Variants in DENND1A observed in about 807,000 individuals in gnomAD.
DENND1A encodes the protein DENN domain-containing protein 1A.
Under a neutral mutation model 113.7 loss-of-function variants are expected in DENND1A, and 51 were observed. The observed-to-expected ratio is 0.45, with a 90% CI of 0.36 to 0.57. DENND1A has a LOEUF of 0.57. Ranked by LOEUF, DENND1A falls within the 20% of genes least tolerant of loss-of-function variation. The pLI, the probability that DENND1A is intolerant of heterozygous loss-of-function variation, is 0.00. For missense variants in DENND1A, 1,258 were observed against 1,395.9 expected (o/e 0.90, Z 1.57); for synonymous variants, 565 against 570.8 (o/e 0.99, Z 0.14).
intron 5 of DENND1A, among the ~76,000 whole-genome samples, chr9:123,750,894 T>C (rs1213197944): frequency 6.6e-6 from 1 of 152,122 alleles, no homozygotes; most frequent in Non-Finnish European, 1.5e-5. Flanking sequence ...AAAACAAGAA[T>C]AGGAGATTCC....
intron 19 of DENND1A, among the ~76,000 whole-genome samples, chr9:123,420,074 G>A (rs1294355107): frequency 6.6e-6 from 1 of 152,210 alleles, no homozygotes; most frequent in Non-Finnish European, 1.5e-5. Context: ...GATATTCCTT[G>A]CAAGATGCTG....
chr9:123,428,306 G>A (rs2045894835), intron 19 of DENND1A, among the ~76,000 whole-genome samples: 1 of 152,160 alleles, frequency 6.6e-6, no homozygotes, highest in African/African-American at 2.4e-5. Context: ...AAAACCACAT[G>A]ATTATCTCAA....
At chr9:123,613,174 C>T (rs1276494283) in intron 10 of DENND1A, among the ~76,000 whole-genome samples, 2 of 152,292 alleles carry the variant, frequency 1.3e-5, no homozygotes, top group South Asian at 2.1e-4. Flanking sequence ...TCATCACTCT[C>T]GTCAGGAGGG....
chr9:123,553,382 T>G (rs2057227813), intron 13 of DENND1A, among the ~76,000 whole-genome samples: 1 of 145,578 alleles, frequency 6.9e-6, no homozygotes, highest in Non-Finnish European at 1.5e-5. Flanking sequence ...GGCCTGGACA[T>G]TTGCCTTTTT....
At chr9:123,650,554 A>T (rs2062590122) in intron 9 of DENND1A, among the ~76,000 whole-genome samples, 1 of 152,202 alleles carries the variant, frequency 6.6e-6, no homozygotes. Flanking sequence ...AAAAACAACA[A>T]CAAACTCAGC....
At chr9:123,509,054 G>C (rs779976525) in intron 13 of DENND1A, among the ~76,000 whole-genome samples, 15 of 152,152 alleles carry the variant, frequency 9.9e-5, no homozygotes, top group Non-Finnish European at 1.8e-4. Context: ...GAAAGAAAGA[G>C]AGAGGAAGAG....
chr9:123,401,747 G>A (rs1026892873), intron 21 of DENND1A: 19 of 1,608,938 alleles, frequency 1.2e-5, no homozygotes, highest in Middle Eastern at 1.7e-4. Flanking sequence ...ATCAGACACC[G>A]GCTCTTTGGC....
chr9:123,535,838 TTC>T (rs754744478), intron 13 of DENND1A, among the ~76,000 whole-genome samples: 8 of 152,228 alleles, frequency 5.3e-5, no homozygotes, highest in Non-Finnish European at 1.0e-4. Flanking sequence ...TTCATGTTTA[TTC>T]TCTGTCTTCC....
chr9:123,763,829 A>T (rs1208774574), intron 4 of DENND1A, among the ~76,000 whole-genome samples: 1 of 152,112 alleles, frequency 6.6e-6, no homozygotes, highest in Non-Finnish European at 1.5e-5. Flanking sequence ...GTTTTAGATG[A>T]CCTCGATAAA....
At chr9:123,761,102 C>G (rs893258406) in intron 4 of DENND1A, among the ~76,000 whole-genome samples, 2 of 152,160 alleles carry the variant, frequency 1.3e-5, no homozygotes, top group African/African-American at 4.8e-5. Flanking sequence ...AATTGTGTGT[C>G]ATTAATTTCC....
chr9:123,785,350 C>G (rs1329551901), intron 3 of DENND1A, among the ~76,000 whole-genome samples: 1 of 151,906 alleles, frequency 6.6e-6, no homozygotes, highest in African/African-American at 2.4e-5. Flanking sequence ...AGATGAGACC[C>G]CAACTCTAAA....
intron 22 of DENND1A, among the ~76,000 whole-genome samples, chr9:123,386,711 T>C (rs1235142370): frequency 6.6e-6 from 1 of 152,160 alleles, no homozygotes; most frequent in African/African-American, 2.4e-5. Flanking sequence ...GTGAGGACAC[T>C]GGGAGGGGAG....
intron 9 of DENND1A, among the ~76,000 whole-genome samples, chr9:123,643,749 A>T (rs1791135688): frequency 1.3e-5 from 2 of 152,228 alleles, no homozygotes; most frequent in African/African-American, 4.8e-5. Context: ...GAAGTGTTTA[A>T]GGAAATGGAG....
rs184933460 is a variant in DENND1A, at chr9:123,499,973, C to G, written c.994-42076G>C. Among the ~76,000 whole-genome samples the G allele has an allele frequency of 4.2e-3, 643 of 152,346 alleles. 3 individuals carry two copies. The highest frequency in any genetic ancestry group is 0.015 in the African/African-American group (626 of 41,582). ...GAATCGATGAGCAAGGAAGCATGGG[C>G]TCCCTTCACACTGGGCAAAGGAAAG... On this transcript the variant is annotated intron_variant, in intron 13 of 23. Coordinates refer to ENST00000394215, the MANE Select transcript of DENND1A (RefSeq NM_001352964.2).
intron 5 of DENND1A, among the ~76,000 whole-genome samples, chr9:123,683,396 T>C (rs922305918): frequency 9.2e-5 from 14 of 152,190 alleles, no homozygotes; most frequent in Non-Finnish European, 1.6e-4. Context: ...ATGACTCCTT[T>C]TATGATTATG....
At chr9:123,926,491 C>A (rs994036098) in intron 1 of DENND1A, among the ~76,000 whole-genome samples, 1 of 144,160 alleles carries the variant, frequency 6.9e-6, no homozygotes, top group African/African-American at 2.6e-5. Flanking sequence ...CGCTTGAACC[C>A]GGGGGTTGGA....
chr9:123,763,772 G>T (rs897699446), intron 4 of DENND1A, among the ~76,000 whole-genome samples: 1 of 152,058 alleles, frequency 6.6e-6, no homozygotes, highest in African/African-American at 2.4e-5. Context: ...ATGCATCAAA[G>T]ATGAGAAGAA....
chr9:123,556,187 C>T (rs1033264268), intron 13 of DENND1A, among the ~76,000 whole-genome samples: 2 of 152,162 alleles, frequency 1.3e-5, no homozygotes, highest in African/African-American at 4.8e-5. Flanking sequence ...GAGAGTGTAT[C>T]CCTTCTGCTA....
intron 1 of DENND1A, among the ~76,000 whole-genome samples, chr9:123,923,002 G>C (rs574688769): frequency 6.6e-6 from 1 of 152,146 alleles, no homozygotes; most frequent in South Asian, 2.1e-4. Context: ...TTTCTTCCTT[G>C]TTTATCTTTC....
Sources: allele counts gnomAD v4.1 joint callset (sites outside exome capture counted in the v4.1 genomes callset), GRCh38; gene constraint gnomAD v4.1.1; transcripts MANE v1.5; gene names NCBI Gene and HGNC (gene_info 2026-07-23, HGNC 2026-07-21).